Variants in CNTNAP5 observed in about 807,000 individuals in gnomAD.
CNTNAP5 encodes contactin-associated protein-like 5.
Under a neutral mutation model 150.2 loss-of-function variants are expected in CNTNAP5, and 72 were observed. The observed-to-expected ratio is 0.48, with a 90% CI of 0.40 to 0.58. CNTNAP5 has a LOEUF of 0.58. Ranked by LOEUF, CNTNAP5 falls within the 20% of genes least tolerant of loss-of-function variation. The pLI, the probability that CNTNAP5 is intolerant of heterozygous loss-of-function variation, is 0.00. For synonymous variants in CNTNAP5, 672 were observed against 619.8 expected (o/e 1.08, Z -1.25); for missense variants, 1,636 against 1,626.2 (o/e 1.01, Z -0.10).
intron 7 of CNTNAP5, among the ~76,000 whole-genome samples, chr2:124,483,458 G>A (rs1693804011): frequency 6.6e-6 from 1 of 152,194 alleles, no homozygotes; most frequent in Non-Finnish European, 1.5e-5. Context: ...TCCAGGCATT[G>A]TGGAGCACAG....
At chr2:124,110,809 T>C (rs944015497) in intron 1 of CNTNAP5, among the ~76,000 whole-genome samples, 1 of 152,230 alleles carries the variant, frequency 6.6e-6, no homozygotes, top group African/African-American at 2.4e-5. Context: ...TCATCTCTAT[T>C]TATTCAGTAC....
chr2:124,763,045 G>A (rs1393825011), intron 14 of CNTNAP5, among the ~76,000 whole-genome samples: 1 of 151,952 alleles, frequency 6.6e-6, no homozygotes, highest in African/African-American at 2.4e-5. Context: ...ATATCCAATG[G>A]CTTATCCTAT....
intron 1 of CNTNAP5, among the ~76,000 whole-genome samples, chr2:124,174,954 A>C (rs1573811595): frequency 6.6e-6 from 1 of 152,094 alleles, no homozygotes; most frequent in East Asian, 1.9e-4. Flanking sequence ...ACCAGCAAAA[A>C]CGTTATGACT....
intron 1 of CNTNAP5, among the ~76,000 whole-genome samples, chr2:124,199,876 A>T (rs893417072): frequency 1.3e-5 from 2 of 152,164 alleles, no homozygotes; most frequent in Admixed American, 1.3e-4. Flanking sequence ...CTCTATGTAG[A>T]TTGTTTAGGG....
At chr2:124,046,984 A>G (rs1268774926) in intron 1 of CNTNAP5, among the ~76,000 whole-genome samples, 1 of 152,182 alleles carries the variant, frequency 6.6e-6, no homozygotes, top group African/African-American at 2.4e-5. Context: ...AATCTGAGAA[A>G]TTCCTAGAAC....
intron 1 of CNTNAP5, among the ~76,000 whole-genome samples, chr2:124,176,176 C>A (rs1422399131): frequency 3.3e-5 from 5 of 152,196 alleles, no homozygotes; most frequent in Non-Finnish European, 5.9e-5. Flanking sequence ...GAAGTGATGG[C>A]ACATGCTGTG....
At chr2:124,115,153 T>C (rs1683393682) in intron 1 of CNTNAP5, among the ~76,000 whole-genome samples, 1 of 152,118 alleles carries the variant, frequency 6.6e-6, no homozygotes, top group East Asian at 1.9e-4. Flanking sequence ...TATTATATTT[T>C]ATTTTTTAAG....
At chr2:124,549,272 T>C (rs961214193) in intron 10 of CNTNAP5, among the ~76,000 whole-genome samples, 5 of 152,116 alleles carry the variant, frequency 3.3e-5, no homozygotes, top group Admixed American at 6.6e-5. Flanking sequence ...GTAGTCTCCA[T>C]TGGAAAATGA....
intron 1 of CNTNAP5, among the ~76,000 whole-genome samples, chr2:124,090,931 G>T (rs1253074750): frequency 2.6e-5 from 4 of 152,170 alleles, no homozygotes; most frequent in African/African-American, 7.2e-5. Context: ...AGCCCATTGA[G>T]CTAAATAACT....
intron 3 of CNTNAP5, among the ~76,000 whole-genome samples, chr2:124,283,456 G>C (rs1013877758): frequency 1.3e-5 from 2 of 152,186 alleles, no homozygotes; most frequent in East Asian, 3.9e-4. Context: ...CCTGGCACAT[G>C]TGTCTTTGGG....
chr2:124,035,548 C>T (rs1032200453), intron 1 of CNTNAP5, among the ~76,000 whole-genome samples: 3 of 152,010 alleles, frequency 2.0e-5, no homozygotes, highest in South Asian at 2.1e-4. Flanking sequence ...TGCTGCTCAC[C>T]GGGAAATAGA....
chr2:124,653,915 C>T (rs1020325727), intron 13 of CNTNAP5, among the ~76,000 whole-genome samples: 1 of 134,428 alleles, frequency 7.4e-6, no homozygotes, highest in Non-Finnish European at 1.6e-5. Context: ...CCCCCAACCC[C>T]CCCCCCCCGC....
chr2:124,058,577 C>T (rs1053445767), intron 1 of CNTNAP5, among the ~76,000 whole-genome samples: 1 of 152,122 alleles, frequency 6.6e-6, no homozygotes, highest in African/African-American at 2.4e-5. Context: ...GTACTATCCC[C>T]AAGTCTAGTA....
intron 7 of CNTNAP5, among the ~76,000 whole-genome samples, chr2:124,486,391 T>C (rs982734258): frequency 2.0e-5 from 3 of 152,088 alleles, no homozygotes; most frequent in Admixed American, 2.0e-4. Flanking sequence ...ATCTCAGAAA[T>C]CACCACTAAA....
At chr2:124,473,775 A>G (rs950481088) in intron 6 of CNTNAP5, among the ~76,000 whole-genome samples, 5 of 152,082 alleles carry the variant, frequency 3.3e-5, no homozygotes, top group African/African-American at 4.8e-5. Context: ...AATATAAATT[A>G]TCTTGATTCT....
At chr2:124,393,993 C>A (rs2104751327) in intron 3 of CNTNAP5, among the ~76,000 whole-genome samples, 1 of 152,274 alleles carries the variant, frequency 6.6e-6, no homozygotes, top group Non-Finnish European at 1.5e-5. Context: ...AACCCAGTTA[C>A]ATTTTATATA....
chr2:124,694,511 C>T (rs1330721305), intron 13 of CNTNAP5, among the ~76,000 whole-genome samples: 2 of 152,014 alleles, frequency 1.3e-5, no homozygotes, highest in South Asian at 4.1e-4. Flanking sequence ...TTGGTAAAGA[C>T]CTTAATGATA....
intron 3 of CNTNAP5, among the ~76,000 whole-genome samples, chr2:124,405,130 C>T (rs1233141464): frequency 6.6e-6 from 1 of 152,078 alleles, no homozygotes; most frequent in Non-Finnish European, 1.5e-5. Context: ...TGGAAAGGAC[C>T]TGCACTGATT....
chr2:124,917,421 A>G lies in CNTNAP5; in HGVS notation c.*3133A>G, dbSNP rs574097397. Among the ~76,000 whole-genome samples the G allele has an allele frequency of 5.9e-5, 9 of 152,218 alleles. No individual in the cohort carries two copies. Among genetic ancestry groups the G allele is most frequent in the South Asian group, 2.1e-4 (1 of 4,832 alleles). On this transcript the variant is annotated 3_prime_UTR_variant, in exon 24 of 24. Transcript: ENST00000682447. ...ATCATTTATTGCATATATAGCCTCA[A>G]TTGCCATCTTTATGAAAATTTGTCT... is the stretch of plus-strand genomic sequence containing the variant.
Sources: allele counts gnomAD v4.1 joint callset (sites outside exome capture counted in the v4.1 genomes callset), GRCh38; gene constraint gnomAD v4.1.1; transcripts MANE v1.5; gene names NCBI Gene and HGNC (gene_info 2026-07-23, HGNC 2026-07-21).